Variants in XG observed in about 807,000 individuals in gnomAD.
XG encodes the protein Xg glycoprotein (Xg blood group).
A neutral mutation model predicts 25.7 loss-of-function variants in XG; 24 were observed. The ratio of observed to expected loss-of-function variants is 0.93; its 90% CI spans 0.68 to 1.31. The LOEUF (loss-of-function observed/expected upper bound fraction) is 1.31. Ranked by LOEUF, XG falls within the 40% of genes most tolerant of loss-of-function variation. The pLI is 0.00. For synonymous variants in XG, 77 were observed against 69.2 expected, an observed-to-expected ratio of 1.11 and a Z score of -0.56; for missense variants, 181 against 187.6, an observed-to-expected ratio of 0.96 and a Z score of 0.21.
chrX:2,815,154 T>G lies in XG; in HGVS notation c.*774T>G, dbSNP rs1433339960. 2 of 111,482 alleles carry G rather than the reference T, an allele frequency of 1.8e-5. No individual in the cohort carries two copies. The highest frequency in any genetic ancestry group is 3.8e-5 in the Non-Finnish European group (2 of 53,128). The allele number at this position is 111,482 out of a possible 1,213,427, so 9.2% of individuals were successfully genotyped here. On this transcript the variant is annotated 3_prime_UTR_variant, in exon 11 of 11. Coordinates refer to ENST00000644266, the MANE Select transcript of XG (RefSeq NM_001141919.2). ...GCCTTTTTGTAGTATTTTTAGTCTTTGATACTCTGTAAGTGCTAGTTCCTA... is the reference window on the plus strand; with the variant it reads ...GCCTTTTTGTAGTATTTTTAGTCTTGGATACTCTGTAAGTGCTAGTTCCTA...
chrX:2,752,867 T>C (rs1013652024), intron 1 of XG: 1 of 937,398 alleles, frequency 1.1e-6, no homozygotes, highest in African/African-American at 1.8e-5. Context: ...CCTGAATTGT[T>C]CACATCAAAA....
At chrX:2,801,747 C>T (rs7065741) in intron 7 of XG, among the ~76,000 whole-genome samples, 1,793 of 110,254 alleles carry the variant, frequency 0.016, 42 homozygotes, top group African/African-American at 0.056. Flanking sequence ...CTCGCTCTGT[C>T]GCCCAGGCTG....
chrX:2,757,091 G>A (rs929419234), intron 1 of XG, among the ~76,000 whole-genome samples: 39 of 152,156 alleles, frequency 2.6e-4, no homozygotes, highest in Non-Finnish European at 4.4e-4. Context: ...TTGGAAAGGG[G>A]ATGGAGTGGG....
chrX:2,782,566 C>T (rs1322470075), intron 4 of XG, among the ~76,000 whole-genome samples: 11 of 110,702 alleles, frequency 9.9e-5, no homozygotes, highest in Non-Finnish European at 1.7e-4. Context: ...GGAGTGCTGA[C>T]CGGTCAGGTT....
At chrX:2,757,636 G>A (rs1182804591) in intron 1 of XG, among the ~76,000 whole-genome samples, 2 of 151,754 alleles carry the variant, frequency 1.3e-5, no homozygotes, top group Non-Finnish European at 2.9e-5. Flanking sequence ...GCTGCATTAG[G>A]TTGTCACAGG....
rs2050780352 is a variant in XG at position 2,770,022 on chromosome X, G to C, written c.62-528G>C. The stretch of plus-strand genomic sequence containing the variant: ...CCTAGACTCTGTGCGTGTGTGGAGG[G>C]GTGGGGGGGGCGTTGGGGGGCGGGG... On this transcript the variant is annotated intron_variant, in intron 1 of 10. Coordinates refer to ENST00000644266, the MANE Select transcript of XG (RefSeq NM_001141919.2). 3.4e-5 allele frequency among the ~76,000 whole-genome samples: 5 copies of C among 145,352 alleles called. 1 individual carries two copies. Among genetic ancestry groups the C allele is most frequent in the Middle Eastern group, 3.4e-3 (1 of 290 alleles).
chrX:2,756,593 ATAAAT>A (rs68107284), intron 1 of XG, among the ~76,000 whole-genome samples: 37,125 of 151,868 alleles, frequency 0.24, 4,543 homozygotes, highest in East Asian at 0.33. Context: ...TCAATTAAAA[ATAAAT>A]TAAAAGAAAA....
chrX:2,775,153 G>T (rs2050949482), intron 3 of XG, among the ~76,000 whole-genome samples: 1 of 152,126 alleles, frequency 6.6e-6, no homozygotes, highest in Non-Finnish European at 1.5e-5. Context: ...GAAAACACGG[G>T]TTCCAAGAAA....
At chrX:2,769,285 T>C (rs1409449546) in intron 1 of XG, among the ~76,000 whole-genome samples, 3 of 152,176 alleles carry the variant, frequency 2.0e-5, no homozygotes, top group Non-Finnish European at 4.4e-5. Flanking sequence ...ACCCAGTACC[T>C]AGGGCTCACC....
chrX:2,785,953 A>G (rs1284943662), intron 4 of XG, among the ~76,000 whole-genome samples: 1 of 110,749 alleles, frequency 9.0e-6, no homozygotes, highest in Non-Finnish European at 1.9e-5. Flanking sequence ...TTCTCCCTCC[A>G]TTGACTTGAT....
chrX:2,777,226 A>T (rs1285526635), intron 3 of XG, among the ~76,000 whole-genome samples: 5 of 152,190 alleles, frequency 3.3e-5, no homozygotes, highest in Admixed American at 6.5e-5. Flanking sequence ...ACAAAGTGAA[A>T]CTTAACTTCT....
chrX:2,773,464 AGGG>A (rs200459136), intron 2 of XG, among the ~76,000 whole-genome samples: 23 of 141,972 alleles, frequency 1.6e-4, no homozygotes, highest in Admixed American at 4.1e-4. Flanking sequence ...GGAAAGAAGA[AGGG>A]GGAAAAGGAG....
intron 3 of XG, among the ~76,000 whole-genome samples, chrX:2,778,269 G>A (rs181654144): frequency 1.2e-3 from 186 of 152,334 alleles, no homozygotes; most frequent in African/African-American, 4.2e-3. Context: ...GGAGCTGGGC[G>A]TGGTGGCTCA....
chrX:2,781,065 G>A (rs1196842980), intron 3 of XG, among the ~76,000 whole-genome samples: 1 of 151,832 alleles, frequency 6.6e-6, no homozygotes, highest in Non-Finnish European at 1.5e-5. Flanking sequence ...TGGAAGTGTC[G>A]CAGGCCAGGT....
intron 7 of XG, among the ~76,000 whole-genome samples, chrX:2,805,075 A>T (rs1212682838): frequency 8.9e-6 from 1 of 112,047 alleles, no homozygotes; most frequent in Non-Finnish European, 1.9e-5. Context: ...GCCGGCTGGG[A>T]TGCAAGCCGC....
chrX:2,779,410 G>A (rs2051072218), intron 3 of XG, among the ~76,000 whole-genome samples: 1 of 149,738 alleles, frequency 6.7e-6, no homozygotes, highest in Non-Finnish European at 1.5e-5. Flanking sequence ...TAATAATAAT[G>A]TTCCAACTTC....
chrX:2,757,019 A>G (rs1234933499), intron 1 of XG, among the ~76,000 whole-genome samples: 1 of 152,136 alleles, frequency 6.6e-6, no homozygotes, highest in Non-Finnish European at 1.5e-5. Flanking sequence ...CAGCTGAAGG[A>G]TGGTAAATGC....
chrX:2,777,243 G>T (rs114565367), intron 3 of XG, among the ~76,000 whole-genome samples: 2,147 of 152,248 alleles, frequency 0.014, 47 homozygotes, highest in African/African-American at 0.048. Context: ...TTCTGAAGAT[G>T]AGGCTACCTT....
intron 2 of XG, among the ~76,000 whole-genome samples, chrX:2,772,729 A>G (rs2050847310): frequency 6.6e-6 from 1 of 152,204 alleles, no homozygotes; most frequent in South Asian, 2.1e-4. Flanking sequence ...TAATTTTTTA[A>G]AAATCACATA....
Sources: gnomAD v4.1 joint callset for allele counts (sites outside exome capture counted in the v4.1 genomes callset) on GRCh38, gnomAD v4.1.1 for gene constraint, MANE v1.5 for transcripts, NCBI Gene and HGNC (gene_info 2026-07-23, HGNC 2026-07-21) for gene names.